Variants in DICER1 observed in about 807,000 individuals in gnomAD.
The protein encoded by DICER1 is dicer 1, ribonuclease III.
A neutral mutation model predicts 194.1 loss-of-function variants in DICER1; 43 were observed. The observed-to-expected ratio is 0.22, with a 90% CI of 0.17 to 0.29. DICER1 has a LOEUF of 0.29. Among genes scored for constraint, DICER1 ranks in the 10% least tolerant of loss-of-function variants. The pLI, the probability that DICER1 is intolerant of heterozygous loss-of-function variation, is 1.00. For synonymous variants in DICER1, 832 were observed against 820.5 expected, an observed-to-expected ratio of 1.01 and a Z score of -0.24; for missense variants, 1,608 against 2,317.0, an observed-to-expected ratio of 0.69 and a Z score of 6.28.
chr14:95,146,568 T>C (rs1749834717), intron 1 of DICER1, among the ~76,000 whole-genome samples: 1 of 152,180 alleles, frequency 6.6e-6, no homozygotes, highest in Non-Finnish European at 1.5e-5. Flanking sequence ...TCCTCACCCT[T>C]CAGTTGTCAG....
intron 1 of DICER1, among the ~76,000 whole-genome samples, chr14:95,151,136 T>C (rs1895486330): frequency 6.6e-6 from 1 of 152,218 alleles, no homozygotes; most frequent in Non-Finnish European, 1.5e-5. Flanking sequence ...GGATGATGTG[T>C]TAATTCATGC....
chr14:95,123,651 C>A (rs563549179), intron 8 of DICER1, among the ~76,000 whole-genome samples: 75 of 152,274 alleles, frequency 4.9e-4, no homozygotes, highest in Non-Finnish European at 9.0e-4. Context: ...AACAATCTAC[C>A]TGCCTCTGGC....
At chr14:95,120,577 G>A (rs748690660) in intron 8 of DICER1, among the ~76,000 whole-genome samples, 9 of 152,270 alleles carry the variant, frequency 5.9e-5, no homozygotes, top group Non-Finnish European at 1.3e-4. Flanking sequence ...GCACCCTGTG[G>A]TATCACAAAG....
At chr14:95,138,654 T>C (rs1233657472) in intron 1 of DICER1, among the ~76,000 whole-genome samples, 1 of 152,082 alleles carries the variant, frequency 6.6e-6, no homozygotes, top group African/African-American at 2.4e-5. Flanking sequence ...CTGCCTGACT[T>C]CTGCCGACCT....
intron 1 of DICER1, among the ~76,000 whole-genome samples, chr14:95,135,711 T>A (rs1018420437): frequency 3.3e-5 from 5 of 152,240 alleles, no homozygotes; most frequent in Admixed American, 2.0e-4. Flanking sequence ...TCCAGGTTCA[T>A]CTGCGTTTTT....
intron 1 of DICER1, among the ~76,000 whole-genome samples, chr14:95,153,110 G>A (rs562951557): frequency 8.5e-5 from 13 of 152,166 alleles, no homozygotes; most frequent in Non-Finnish European, 1.0e-4. Flanking sequence ...CCAGCTACTC[G>A]GGAGGCTGAG....
At chr14:95,143,506 T>C (rs1360278656) in intron 1 of DICER1, among the ~76,000 whole-genome samples, 3 of 152,164 alleles carry the variant, frequency 2.0e-5, no homozygotes, top group African/African-American at 7.2e-5. Context: ...CTCAATCGCC[T>C]GGTTTCCTAG....
chr14:95,152,526 A>C (rs1437807670), intron 1 of DICER1, among the ~76,000 whole-genome samples: 3 of 152,230 alleles, frequency 2.0e-5, no homozygotes, highest in Non-Finnish European at 4.4e-5. Flanking sequence ...CTATTCCATA[A>C]ACCTTAACAC....
chr14:95,104,396 C>T (rs2139975995), intron 20 of DICER1, among the ~76,000 whole-genome samples: 1 of 152,302 alleles, frequency 6.6e-6, no homozygotes, highest in South Asian at 2.1e-4. Context: ...GACCTGGGGC[C>T]TAGCTTCACG....
chr14:95,098,654 T>C (rs535887661), intron 22 of DICER1, among the ~76,000 whole-genome samples: 17 of 152,212 alleles, frequency 1.1e-4, no homozygotes, highest in Non-Finnish European at 2.2e-4. Context: ...AGGATGACTG[T>C]TACTGGAATG....
chr14:95,151,087 A>C (rs1237137810), intron 1 of DICER1, among the ~76,000 whole-genome samples: 2 of 152,236 alleles, frequency 1.3e-5, no homozygotes, highest in Non-Finnish European at 2.9e-5. Flanking sequence ...ATTTTACAAA[A>C]CACTTGGCTT....
chr14:95,098,387 C>T (rs1324919046), intron 22 of DICER1, among the ~76,000 whole-genome samples: 2 of 152,168 alleles, frequency 1.3e-5, no homozygotes, highest in African/African-American at 4.8e-5. Flanking sequence ...AATGGCAATG[C>T]AACCAGCCAA....
In DICER1 at chr14:95,091,126, A is replaced by AGAATTTATTTT. The variant is rs1262772707; in HGVS notation, c.5528-18_5528-17insAAAATAAATTC. 6.2e-7 allele frequency: 1 copy of AGAATTTATTTT among 1,613,934 alleles called. No individual in the cohort carries two copies. Among genetic ancestry groups the AGAATTTATTTT allele is most frequent in the Non-Finnish European group, 8.5e-7 (1 of 1,179,904 alleles). On this transcript the variant is annotated splice_polypyrimidine_tract_variant and intron_variant, in intron 25 of 26. Coordinates refer to ENST00000343455, the MANE Select transcript of DICER1 (RefSeq NM_177438.3). ...AAAACTTTTCTGCAATCAAAATGAA[A>AGAATTTATTTT]GAATAATATGAATAATATCTCTGAA...
chr14:95,114,273 G>A (rs1424324703), intron 11 of DICER1, among the ~76,000 whole-genome samples: 8 of 152,110 alleles, frequency 5.3e-5, no homozygotes, highest in Non-Finnish European at 1.0e-4. Context: ...AAGTATTCAA[G>A]GAATAATAGT....
At chr14:95,101,541 C>G (rs962269314) in intron 21 of DICER1, among the ~76,000 whole-genome samples, 2 of 152,200 alleles carry the variant, frequency 1.3e-5, no homozygotes, top group Non-Finnish European at 2.9e-5. Flanking sequence ...ATTATCTGAA[C>G]ATTTCCACTT....
intron 8 of DICER1, 100 bp from the exon 9 acceptor site, chr14:95,117,854 C>A (rs1295748953): frequency 5.2e-6 from 6 of 1,150,300 alleles, no homozygotes; most frequent in African/African-American, 1.6e-5. Context: ...GCATTTTTTG[C>A]AAACATACCT....
At chr14:95,142,880 G>A (rs998237823) in intron 1 of DICER1, among the ~76,000 whole-genome samples, 2 of 152,184 alleles carry the variant, frequency 1.3e-5, no homozygotes. Context: ...TAGCAAGAAA[G>A]AGCTAACCAT....
At chr14:95,122,499 G>C (rs1893018659) in intron 8 of DICER1, among the ~76,000 whole-genome samples, 1 of 152,086 alleles carries the variant, frequency 6.6e-6, no homozygotes, top group Admixed American at 6.5e-5. Flanking sequence ...TCCGTCTCCT[G>C]GCAATCTTCC....
chr14:95,117,958 C>T lies in DICER1; in HGVS notation c.1377-204G>A, dbSNP rs553308425. ...AGATCTGTGGACCAAGTACTTATAACGCCAAATACAAGATTGGTTTGTACT... is the reference window on the plus strand; with the variant it reads ...AGATCTGTGGACCAAGTACTTATAATGCCAAATACAAGATTGGTTTGTACT... On this transcript the variant is annotated intron_variant, in intron 8 of 26. Coordinates refer to ENST00000343455, the MANE Select transcript of DICER1 (RefSeq NM_177438.3). Among the ~76,000 whole-genome samples, 12 of 152,260 alleles carry T rather than the reference C, an allele frequency of 7.9e-5. No homozygotes were observed. In the South Asian group the frequency reaches 2.1e-3, roughly 26 times the overall value.
Sources: gnomAD v4.1 joint callset for allele counts (sites outside exome capture counted in the v4.1 genomes callset) on GRCh38, gnomAD v4.1.1 for gene constraint, MANE v1.5 for transcripts, NCBI Gene and HGNC (gene_info 2026-07-23, HGNC 2026-07-21) for gene names.